TMEM71: variants seen among roughly 807,000 people sequenced by gnomAD.
The protein encoded by TMEM71 is transmembrane protein 71.
In TMEM71, 44 loss-of-function variants were observed where a neutral mutation model predicts 38.0. The ratio of observed to expected loss-of-function variants is 1.16; its 90% confidence interval spans 0.91 to 1.49. The LOEUF (loss-of-function observed/expected upper bound fraction) is 1.49. TMEM71 is among the 40% of genes most tolerant of loss of function. The probability of loss-of-function intolerance (pLI) is 0.00; values close to 1 mark genes in which losing one functional copy is unlikely to be tolerated. For synonymous variants in TMEM71, 133 were observed against 122.5 expected (o/e 1.09, Z -0.56); for missense variants, 367 against 348.6 (o/e 1.05, Z -0.42).
intron 5 of TMEM71, among the ~76,000 whole-genome samples, chr8:132,742,294 C>T (rs531648256): frequency 6.6e-6 from 1 of 152,294 alleles, no homozygotes; most frequent in East Asian, 1.9e-4. Flanking sequence ...GCCTCGGCGC[C>T]TGGATGGCTT....
At chr8:132,733,988 G>T (rs1029011430) in intron 5 of TMEM71, among the ~76,000 whole-genome samples, 11 of 152,116 alleles carry the variant, frequency 7.2e-5, no homozygotes, top group African/African-American at 2.7e-4. Flanking sequence ...AATAGTGGCT[G>T]CCAGGGGATA....
intron 7 of TMEM71, among the ~76,000 whole-genome samples, chr8:132,717,908 C>T (rs1015928715): frequency 6.6e-6 from 1 of 152,112 alleles, no homozygotes; most frequent in African/African-American, 2.4e-5. Flanking sequence ...TATTATTCTT[C>T]CATAGAAAAG....
chr8:132,768,174 A>G, the TMEM71 span, among the ~76,000 whole-genome samples: 1 of 152,186 alleles, frequency 6.6e-6, no homozygotes, highest in East Asian at 1.9e-4. Context: ...ATGTCCAGGT[A>G]GTGATAGAGA....
At chr8:132,749,517 G>A (rs932196503) in intron 4 of TMEM71, among the ~76,000 whole-genome samples, 5 of 152,154 alleles carry the variant, frequency 3.3e-5, no homozygotes, top group African/African-American at 1.2e-4. Context: ...TTACGGGCTG[G>A]GGAAAGAAGA....
chr8:132,741,011 T>C (rs1428098875), intron 5 of TMEM71, among the ~76,000 whole-genome samples: 2 of 152,160 alleles, frequency 1.3e-5, no homozygotes, highest in Admixed American at 6.5e-5. Flanking sequence ...GAAGATAGAA[T>C]GGGGAAGCTG....
At chr8:132,772,532 G>C in the TMEM71 span, among the ~76,000 whole-genome samples, 1 of 152,150 alleles carries the variant, frequency 6.6e-6, no homozygotes, top group Non-Finnish European at 1.5e-5. Flanking sequence ...TTGACTCTAT[G>C]TGGTTAAAAG....
Position 132,714,049 on chromosome 8 carries a change from A to G in TMEM71, c.818T>C (p.Val273Ala). The G allele has an allele frequency of 6.2e-7, 1 of 1,614,104 alleles. No homozygotes were observed. Among genetic ancestry groups the G allele is most frequent in the Non-Finnish European group, 8.5e-7 (1 of 1,179,944 alleles). Residue 273 changes from valine (V) to alanine (A), a missense_variant, in exon 9 of 10, where the codon GTG becomes GCG. Coordinates refer to ENST00000677595, the MANE Select transcript of TMEM71 (RefSeq NM_001382403.1). The part of the protein sequence containing the change: ...TCSLMITVAY[V>A]KSLFLSLASY... The stretch of plus-strand genomic sequence containing the variant: ...GGCAAGGCTGAGAAACAATGATTTC[A>G]CATCTTGAGTGAAACAGAGAAAATA...
intron 5 of TMEM71, among the ~76,000 whole-genome samples, chr8:132,742,795 G>A (rs1194357619): frequency 3.9e-5 from 6 of 152,292 alleles, no homozygotes; most frequent in East Asian, 1.9e-4. Flanking sequence ...GTATTAGTCC[G>A]TTTTCAGGCT....
downstream of TMEM71, among the ~76,000 whole-genome samples, chr8:132,708,578 C>T (rs1389717405): frequency 2.0e-5 from 3 of 152,284 alleles, no homozygotes; most frequent in East Asian, 1.9e-4. Flanking sequence ...TGTCCTGCAC[C>T]GGCCTCTCAT....
chr8:132,757,860 G>C (rs1829118520), intron 2 of TMEM71: 1 of 149,366 alleles, frequency 6.7e-6, no homozygotes, highest in Non-Finnish European at 1.5e-5. Flanking sequence ...TCTTAGTGCA[G>C]AATGAGGCAA....
intron 2 of TMEM71, 63 bp from the exon 3 acceptor site, chr8:132,757,357 A>T: frequency 8.1e-7 from 1 of 1,239,060 alleles, no homozygotes; most frequent in Non-Finnish European, 1.2e-6. Flanking sequence ...ACATATGTTG[A>T]TACATGTATC....
intron 2 of TMEM71, chr8:132,758,563 T>C (rs775797264): frequency 7.8e-6 from 3 of 384,270 alleles, no homozygotes; most frequent in Non-Finnish European, 1.4e-5. Context: ...TGCATCTTAA[T>C]AGTAGCTGAT....
At chr8:132,767,605 G>T in the TMEM71 span, among the ~76,000 whole-genome samples, 1 of 151,798 alleles carries the variant, frequency 6.6e-6, no homozygotes, top group African/African-American at 2.4e-5. Context: ...CTCCTGAGTA[G>T]CTGGGACTAC....
rs532341542 is a variant in TMEM71, at chr8:132,747,929, C to T, written c.315-815G>A. On this transcript the variant is annotated intron_variant, in intron 4 of 9. Transcript: ENST00000677595. ...GGAACAGATTAGTGATGACATAATT[C>T]GGTTTGCATTTCCAAAATTGTTGGT... Among the ~76,000 whole-genome samples, 5 of 152,276 alleles carry T rather than the reference C, an allele frequency of 3.3e-5. No homozygotes were observed. In the South Asian group the frequency reaches 8.3e-4, roughly 25 times the overall value.
At chr8:132,713,275 T>C (rs1202323757) in intron 9 of TMEM71, among the ~76,000 whole-genome samples, 2 of 151,668 alleles carry the variant, frequency 1.3e-5, no homozygotes, top group Admixed American at 1.3e-4. Flanking sequence ...CCAGAAATTA[T>C]GGGAAGCATC....
At chr8:132,773,212 A>T in the TMEM71 span, among the ~76,000 whole-genome samples, 1 of 152,182 alleles carries the variant, frequency 6.6e-6, no homozygotes, top group African/African-American at 2.4e-5. Context: ...ACTAAATAGT[A>T]GCAGTGCCCT....
intron 6 of TMEM71, among the ~76,000 whole-genome samples, chr8:132,727,537 T>A (rs11778294): frequency 0.42 from 63,230 of 152,006 alleles, 14,359 homozygotes; most frequent in African/African-American, 0.6. Context: ...ATTACAGGCC[T>A]GACCTGCCGT....
chr8:132,756,260 G>T (rs757097160), intron 3 of TMEM71, among the ~76,000 whole-genome samples: 2 of 151,610 alleles, frequency 1.3e-5, no homozygotes, highest in Non-Finnish European at 2.9e-5. Flanking sequence ...CATTGGTATA[G>T]AATTCTGTTG....
At chr8:132,775,511 G>T in the TMEM71 span, 1 of 375,346 alleles carries the variant, frequency 2.7e-6, no homozygotes, top group African/African-American at 2.1e-5. Context: ...TGCGGCCCCA[G>T]CTCGCTCCGC....
Sources: allele counts gnomAD v4.1 joint callset (sites outside exome capture counted in the v4.1 genomes callset), GRCh38; gene constraint gnomAD v4.1.1; transcripts MANE v1.5; gene names NCBI Gene and HGNC (gene_info 2026-07-23, HGNC 2026-07-21).